The following CRYBG3 variants were observed in gnomAD, a reference collection of about 807,000 sequenced individuals.
CRYBG3 encodes very large A-kinase anchor protein.
In CRYBG3, 127 loss-of-function variants were observed where a neutral mutation model predicts 244.2. That is an observed-to-expected ratio of 0.52 (90% CI 0.45 to 0.60). The LOEUF (loss-of-function observed/expected upper bound fraction) is 0.60, where lower values mean the gene tolerates loss of function less well. Ranked by LOEUF, CRYBG3 falls within the 20% of genes least tolerant of loss-of-function variation. The probability of loss-of-function intolerance (pLI) is 0.00; values close to 1 mark genes in which losing one functional copy is unlikely to be tolerated. For missense variants in CRYBG3, 3,325 were observed against 3,442.5 expected, an observed-to-expected ratio of 0.97 and a Z score of 0.85; for synonymous variants, 1,132 against 1,195.8, an observed-to-expected ratio of 0.95 and a Z score of 1.10.
intron 15 of CRYBG3, among the ~76,000 whole-genome samples, chr3:97,903,369 T>C (rs1441461800): frequency 1.3e-5 from 2 of 152,162 alleles, no homozygotes; most frequent in African/African-American, 4.8e-5. Context: ...ACAGAAATAC[T>C]TAGGAAGAAT....
At chr3:97,863,388 G>A (rs1177190243) in intron 2 of CRYBG3, among the ~76,000 whole-genome samples, 2 of 152,124 alleles carry the variant, frequency 1.3e-5, no homozygotes, top group Admixed American at 6.6e-5. Context: ...ATGCATTAAT[G>A]TGAGTTTGCT....
At chr3:97,851,701 G>C (rs2038987930) in intron 2 of CRYBG3, among the ~76,000 whole-genome samples, 1 of 152,226 alleles carries the variant, frequency 6.6e-6, no homozygotes, top group South Asian at 2.1e-4. Context: ...GGTAAGAGAT[G>C]AAATTGGAGA....
Position 97,905,284 on chromosome 3 carries a change from A to G in CRYBG3, c.8004+4799A>G, listed in dbSNP as rs831890. ...AGTAATGGGATGGCTGGGTCAAATG[A>G]TATTTCCAGTTCTAGATCCCTGAGG... On this transcript the variant is annotated intron_variant, in intron 15 of 21. Transcript: ENST00000389622. Among the ~76,000 whole-genome samples, 104 of 150,028 alleles carry G rather than the reference A, an allele frequency of 6.9e-4. 2 individuals carry two copies. The highest frequency in any genetic ancestry group is 3.2e-3 in the South Asian group (15 of 4,634).
chr3:97,925,809 A>G (rs761343062), intron 17 of CRYBG3, among the ~76,000 whole-genome samples: 2 of 152,042 alleles, frequency 1.3e-5, no homozygotes, highest in Non-Finnish European at 1.5e-5. Context: ...TTTTAGGTAT[A>G]TGGTCATCTA....
chr3:97,909,958 C>T (rs1198581576), intron 15 of CRYBG3, among the ~76,000 whole-genome samples: 5 of 150,584 alleles, frequency 3.3e-5, no homozygotes, highest in African/African-American at 7.4e-5. Context: ...GTTAGTTTTC[C>T]TTCTAACAGA....
In CRYBG3 at chr3:97,900,039, T is replaced by C. The variant is rs533581221; in HGVS notation, c.7972-414T>C. On this transcript the variant is annotated intron_variant, in intron 14 of 21. Coordinates refer to ENST00000389622, the MANE Select transcript of CRYBG3 (RefSeq NM_153605.4). The stretch of plus-strand genomic sequence containing the variant: ...TAGCCAGTTCAAAGAGTCTCATAAA[T>C]AGGTCAAACCATGAAAAAAATTTTT... Among the ~76,000 whole-genome samples the C allele has an allele frequency of 4.1e-4, 63 of 152,294 alleles. 1 individual carries two copies. Among genetic ancestry groups the C allele is most frequent in the Admixed American group, 4.1e-3 (62 of 15,298 alleles).
intron 17 of CRYBG3, among the ~76,000 whole-genome samples, chr3:97,927,123 A>G (rs1024788938): frequency 6.6e-6 from 1 of 152,134 alleles, no homozygotes; most frequent in Admixed American, 6.6e-5. Context: ...ATCCTAAGCA[A>G]AAAGAACAAA....
At chr3:97,837,849 A>G (rs1013362986) in intron 1 of CRYBG3, among the ~76,000 whole-genome samples, 1 of 152,144 alleles carries the variant, frequency 6.6e-6, no homozygotes, top group African/African-American at 2.4e-5. Context: ...TGGAAGCTGT[A>G]TCAAGTCTTT....
intron 12 of CRYBG3, among the ~76,000 whole-genome samples, chr3:97,897,735 G>A: frequency 6.6e-6 from 1 of 151,870 alleles, no homozygotes; most frequent in East Asian, 1.9e-4. Flanking sequence ...ATGCATTTTT[G>A]CATACAAGTT....
intron 1 of CRYBG3, among the ~76,000 whole-genome samples, chr3:97,823,919 C>G (rs945271587): frequency 3.3e-5 from 5 of 152,148 alleles, no homozygotes; most frequent in African/African-American, 1.2e-4. Context: ...TGGAGCTGAC[C>G]CCTCCAGCAA....
intron 15 of CRYBG3, among the ~76,000 whole-genome samples, chr3:97,909,929 G>A (rs1330952465): frequency 6.7e-6 from 1 of 149,144 alleles, no homozygotes; most frequent in African/African-American, 2.5e-5. Context: ...GGTTTTTGGT[G>A]TGGATGTCCT....
intron 17 of CRYBG3, among the ~76,000 whole-genome samples, chr3:97,922,943 G>A (rs1347644445): frequency 6.6e-6 from 1 of 152,126 alleles, no homozygotes; most frequent in African/African-American, 2.4e-5. Context: ...CAACCCGAAT[G>A]TCCATCAATG....
At chr3:97,887,108 C>T (rs1390748684) in intron 8 of CRYBG3, among the ~76,000 whole-genome samples, 2 of 152,204 alleles carry the variant, frequency 1.3e-5, no homozygotes, top group Non-Finnish European at 2.9e-5. Flanking sequence ...CTGACTGCCT[C>T]TGTGGTATCA....
In CRYBG3 at chr3:97,900,524, A is replaced by G. The variant is rs965602448; in HGVS notation, c.8004+39A>G. 7 of 1,288,596 alleles carry G rather than the reference A, an allele frequency of 5.4e-6. No individual in the cohort carries two copies. In the Admixed American group the frequency reaches 7.3e-5, roughly 13 times the overall value. The allele number at this position is 1,288,596 out of a possible 1,614,324, so 79.8% of individuals were successfully genotyped here. On this transcript the variant is annotated intron_variant, in intron 15 of 21. Coordinates refer to ENST00000389622, the MANE Select transcript of CRYBG3 (RefSeq NM_153605.4). ...TATTCTTGTAATTGTTAAATTGTTT[A>G]CTAAAAGCATTTATACCCTTTCTCT...
rs570520460 is a variant in CRYBG3, at chr3:97,880,903, G to A, written c.7005-169G>A. On this transcript the variant is annotated intron_variant, in intron 6 of 21. Coordinates refer to ENST00000389622, the MANE Select transcript of CRYBG3 (RefSeq NM_153605.4). ...CACTTTTATTTTTTCTTTACTGTTC[G>A]CCTGTACTTAAATTAGCATATATCA... is the stretch of plus-strand genomic sequence containing the variant. Among the ~76,000 whole-genome samples, 97 of 152,028 alleles carry A rather than the reference G, an allele frequency of 6.4e-4. No homozygotes were observed. The South Asian group carries it at 0.018, about 28-fold the overall frequency.
chr3:97,855,803 AGGT>A (rs1206380367), intron 2 of CRYBG3, among the ~76,000 whole-genome samples: 1 of 152,120 alleles, frequency 6.6e-6, no homozygotes, highest in Non-Finnish European at 1.5e-5. Context: ...GTGTGCAAAT[AGGT>A]GTGGGTCACA....
At chr3:97,899,060 T>A in intron 13 of CRYBG3, 35 bp downstream of exon 13, 2 of 1,601,164 alleles carry the variant, frequency 1.2e-6, no homozygotes, top group Non-Finnish European at 1.7e-6. Flanking sequence ...TGAGAGTCTT[T>A]GGTGTTTAAG....
At chr3:97,840,868 T>G (rs1292554426) in intron 1 of CRYBG3, among the ~76,000 whole-genome samples, 1 of 152,090 alleles carries the variant, frequency 6.6e-6, no homozygotes, top group Admixed American at 6.6e-5. Context: ...ACCCCAAATC[T>G]TTATAACATG....
intron 19 of CRYBG3, among the ~76,000 whole-genome samples, chr3:97,940,254 C>T (rs775214612): frequency 2.0e-5 from 3 of 151,930 alleles, no homozygotes; most frequent in Non-Finnish European, 2.9e-5. Context: ...CTTTGGAATT[C>T]GTCTCTTATT....
Sources: gnomAD v4.1 joint callset for allele counts (sites outside exome capture counted in the v4.1 genomes callset) on GRCh38, gnomAD v4.1.1 for gene constraint, MANE v1.5 for transcripts, NCBI Gene and HGNC (gene_info 2026-07-23, HGNC 2026-07-21) for gene names.